The following KCND2 variants were observed in gnomAD, a reference collection of about 807,000 sequenced individuals.
KCND2 encodes A-type voltage-gated potassium channel KCND2.
A neutral mutation model predicts 54.4 loss-of-function variants in KCND2; 16 were observed. The ratio of observed to expected loss-of-function variants is 0.29; its 90% confidence interval spans 0.20 to 0.45. KCND2 has a LOEUF of 0.45. Ranked by LOEUF, KCND2 falls within the 20% of genes least tolerant of loss-of-function variation. The pLI, the probability that KCND2 is intolerant of heterozygous loss-of-function variation, is 1.00. For missense variants in KCND2, 486 were observed against 824.2 expected, an observed-to-expected ratio of 0.59 and a Z score of 5.02; for synonymous variants, 317 against 310.7, an observed-to-expected ratio of 1.02 and a Z score of -0.21.
At position 120,353,132 on chromosome 7, in the gene KCND2, A is replaced by ATTTTTT. The variant is rs1491194211; in HGVS notation, c.1115+77385_1115+77386insTTTTTT. On this transcript the variant is annotated intron_variant, in intron 1 of 5. Transcript: ENST00000331113. ...GTAACAATGTGAGATAAATACTTTTACTTTTTTTTTTTTTTTTTTTTTTTT... is the reference window on the plus strand; with the variant it reads ...GTAACAATGTGAGATAAATACTTTTATTTTTTCTTTTTTTTTTTTTTTTTTTTTTTT... Among the ~76,000 whole-genome samples, 25 of 74,974 alleles carry ATTTTTT rather than the reference A, an allele frequency of 3.3e-4. 1 individual carries two copies. Among genetic ancestry groups the ATTTTTT allele is most frequent in the Admixed American group, 9.6e-4 (6 of 6,234 alleles). The allele number at this position is 74,974 out of a possible 152,430, so 49.2% of individuals were successfully genotyped here.
intron 1 of KCND2, among the ~76,000 whole-genome samples, chr7:120,339,348 A>G (rs1190840384): frequency 1.3e-5 from 2 of 152,174 alleles, no homozygotes; most frequent in African/African-American, 4.8e-5. Context: ...TAGAAGAAAT[A>G]TAAATATTGC....
chr7:120,322,830 G>A, intron 1 of KCND2, among the ~76,000 whole-genome samples: 1 of 151,824 alleles, frequency 6.6e-6, no homozygotes, highest in East Asian at 1.9e-4. Context: ...CGGTGTTTAA[G>A]GGTTAGATCA....
chr7:120,652,401 T>A (rs1295355417), intron 1 of KCND2, among the ~76,000 whole-genome samples: 1 of 152,068 alleles, frequency 6.6e-6, no homozygotes, highest in Non-Finnish European at 1.5e-5. Context: ...GGGACATGGA[T>A]CAGAGTAGGA....
At chr7:120,332,594 C>T (rs1424378866) in intron 1 of KCND2, among the ~76,000 whole-genome samples, 1 of 152,032 alleles carries the variant, frequency 6.6e-6, no homozygotes, top group Non-Finnish European at 1.5e-5. Flanking sequence ...TTCTTAAATG[C>T]TTCGCTGAAT....
chr7:120,497,607 G>A lies in KCND2; in HGVS notation c.1115+221860G>A, dbSNP rs139080174. 1.8e-3 allele frequency among the ~76,000 whole-genome samples: 280 copies of A among 152,214 alleles called. 1 individual carries two copies. The highest frequency in any genetic ancestry group is 6.4e-3 in the African/African-American group (264 of 41,524). ...CCAGCCATCCACTTGGCCATCCTAG[G>A]TCTAGTCTTTGTTCTTATATTGCAA... is the stretch of plus-strand genomic sequence containing the variant. On this transcript the variant is annotated intron_variant, in intron 1 of 5. Coordinates refer to ENST00000331113, the MANE Select transcript of KCND2 (RefSeq NM_012281.3).
intron 1 of KCND2, among the ~76,000 whole-genome samples, chr7:120,345,604 A>G (rs1454221910): frequency 6.6e-6 from 1 of 152,098 alleles, no homozygotes; most frequent in African/African-American, 2.4e-5. Context: ...TATGAATTTG[A>G]CTAGGTCTCT....
chr7:120,277,852 G>T (rs1274590251), intron 1 of KCND2, among the ~76,000 whole-genome samples: 1 of 151,938 alleles, frequency 6.6e-6, no homozygotes. Context: ...TATATTGCCT[G>T]AGTAAAATCT....
At chr7:120,476,933 G>T (rs1802542481) in intron 1 of KCND2, among the ~76,000 whole-genome samples, 1 of 152,154 alleles carries the variant, frequency 6.6e-6, no homozygotes, top group Non-Finnish European at 1.5e-5. Flanking sequence ...AGCAAGAAAG[G>T]TTGGCCTCAT....
intron 1 of KCND2, among the ~76,000 whole-genome samples, chr7:120,652,558 G>A (rs77751237): frequency 0.011 from 1,647 of 152,290 alleles, 9 homozygotes; most frequent in Non-Finnish European, 0.015. Context: ...CAGAGACTGT[G>A]ATAGCATATA....
intron 1 of KCND2, among the ~76,000 whole-genome samples, chr7:120,534,157 G>A (rs1368938775): frequency 6.6e-6 from 1 of 152,104 alleles, no homozygotes; most frequent in Admixed American, 6.6e-5. Context: ...GGCTGTGCTT[G>A]GTGAATCCCA....
chr7:120,555,174 T>G (rs1412904924), intron 1 of KCND2, among the ~76,000 whole-genome samples: 1 of 152,198 alleles, frequency 6.6e-6, no homozygotes, highest in Non-Finnish European at 1.5e-5. Flanking sequence ...CCTAGTGGCT[T>G]GTTATGCCTC....
intron 1 of KCND2, among the ~76,000 whole-genome samples, chr7:120,290,186 T>C (rs1267363369): frequency 6.6e-6 from 1 of 152,032 alleles, no homozygotes; most frequent in Non-Finnish European, 1.5e-5. Flanking sequence ...TTATTTTTAC[T>C]GTAGAGTTTA....
intron 1 of KCND2, among the ~76,000 whole-genome samples, chr7:120,376,383 G>A (rs1391246430): frequency 6.6e-6 from 1 of 151,272 alleles, no homozygotes; most frequent in Non-Finnish European, 1.5e-5. Flanking sequence ...TGAATTAGGT[G>A]AATAAATTAT....
intron 1 of KCND2, among the ~76,000 whole-genome samples, chr7:120,575,676 T>C (rs1792423061): frequency 6.6e-6 from 1 of 152,216 alleles, no homozygotes; most frequent in African/African-American, 2.4e-5. Flanking sequence ...GGCTATATGA[T>C]GCTCAGAAAC....
At chr7:120,622,849 T>TG (rs1793119051) in intron 1 of KCND2, among the ~76,000 whole-genome samples, 1 of 152,120 alleles carries the variant, frequency 6.6e-6, no homozygotes, top group East Asian at 1.9e-4. Flanking sequence ...AATTCTCCTC[T>TG]GGGGAATTGT....
intron 1 of KCND2, among the ~76,000 whole-genome samples, chr7:120,654,275 C>T (rs1233043989): frequency 6.6e-6 from 1 of 151,988 alleles, no homozygotes; most frequent in East Asian, 1.9e-4. Context: ...TATTCATAGT[C>T]ATATTTAACT....
At chr7:120,422,314 A>C (rs1436913711) in intron 1 of KCND2, among the ~76,000 whole-genome samples, 1 of 152,234 alleles carries the variant, frequency 6.6e-6, no homozygotes, top group African/African-American at 2.4e-5. Context: ...GAAACTCTGC[A>C]ATGAATTAAA....
intron 1 of KCND2, among the ~76,000 whole-genome samples, chr7:120,285,402 A>C (rs1216257676): frequency 6.7e-6 from 1 of 149,818 alleles, no homozygotes; most frequent in Non-Finnish European, 1.5e-5. Flanking sequence ...TGAATATACA[A>C]TCAAGAAAGT....
At chr7:120,341,201 A>AG (rs1421507839) in intron 1 of KCND2, among the ~76,000 whole-genome samples, 1 of 152,114 alleles carries the variant, frequency 6.6e-6, no homozygotes, top group Non-Finnish European at 1.5e-5. Flanking sequence ...TGAGAGCATT[A>AG]GGGTGGAGGT....
Sources: gnomAD v4.1 joint callset for allele counts (sites outside exome capture counted in the v4.1 genomes callset) on GRCh38, gnomAD v4.1.1 for gene constraint, MANE v1.5 for transcripts, NCBI Gene and HGNC (gene_info 2026-07-23, HGNC 2026-07-21) for gene names.